Variants in FAM120A observed in about 807,000 individuals in gnomAD.
FAM120A encodes the protein constitutive coactivator of PPAR-gamma-like protein 1.
A neutral mutation model predicts 109.7 loss-of-function variants in FAM120A; 15 were observed. The observed-to-expected ratio is 0.14, with a 90% confidence interval of 0.09 to 0.21. FAM120A has a LOEUF of 0.21. FAM120A is among the 10% of genes least tolerant of loss of function. The pLI is 1.00. For missense variants in FAM120A, 899 were observed against 1,439.3 expected, an observed-to-expected ratio of 0.62 and a Z score of 6.07; for synonymous variants, 493 against 572.8, an observed-to-expected ratio of 0.86 and a Z score of 1.99.
At chr9:93,507,943 T>G (rs1480064287) in intron 5 of FAM120A, among the ~76,000 whole-genome samples, 7 of 152,118 alleles carry the variant, frequency 4.6e-5, no homozygotes, top group Admixed American at 4.6e-4. Context: ...GGGGTGGGGC[T>G]TTGAAATGCA....
intron 17 of FAM120A, among the ~76,000 whole-genome samples, chr9:93,562,727 C>T (rs1276587933): frequency 6.7e-6 from 1 of 148,774 alleles, no homozygotes; most frequent in African/African-American, 2.5e-5. Flanking sequence ...TGCCGTGGCA[C>T]AATCTCCGCT....
chr9:93,487,977 A>G (rs965762622), intron 3 of FAM120A, among the ~76,000 whole-genome samples: 3 of 152,158 alleles, frequency 2.0e-5, no homozygotes, highest in African/African-American at 7.2e-5. Flanking sequence ...TTCTCTTAGC[A>G]GGTTCTTTAT....
chr9:93,465,631 A>G (rs184653585), intron 1 of FAM120A, among the ~76,000 whole-genome samples: 1 of 152,368 alleles, frequency 6.6e-6, no homozygotes, highest in African/African-American at 2.4e-5. Flanking sequence ...TTACAAAGAT[A>G]GTACAGACTT....
At position 93,498,149 on chromosome 9, in the gene FAM120A, C is replaced by A. The variant is rs919610058; in HGVS notation, c.933+550C>A. 6.6e-6 allele frequency among the ~76,000 whole-genome samples: 1 copy of A among 152,184 alleles called. No homozygotes were observed. Among genetic ancestry groups the A allele is most frequent in the African/African-American group, 2.4e-5 (1 of 41,460 alleles). Reference sequence around the variant, plus strand: ...GTGGCTCATGCCTGTAATCCCAGTACTCTGGGAGGCCGAGGCGGGCGGATC... The same window carrying A: ...GTGGCTCATGCCTGTAATCCCAGTAATCTGGGAGGCCGAGGCGGGCGGATC... On this transcript the variant is annotated intron_variant, in intron 4 of 17. Transcript: ENST00000277165. The surrounding 1 kb of genome is among the most constrained non-coding windows in gnomAD (Gnocchi z 4.4).
chr9:93,483,494 C>T (rs1455477745), intron 3 of FAM120A, among the ~76,000 whole-genome samples: 1 of 151,900 alleles, frequency 6.6e-6, no homozygotes, highest in Non-Finnish European at 1.5e-5. Context: ...ATTTCTGTTG[C>T]ATTTTTACTG....
intron 2 of FAM120A, among the ~76,000 whole-genome samples, chr9:93,473,322 T>C (rs1415952629): frequency 6.6e-6 from 1 of 152,096 alleles, no homozygotes; most frequent in East Asian, 1.9e-4. Flanking sequence ...TTTTTTGTTG[T>C]TGAAACAGGT....
intron 5 of FAM120A, among the ~76,000 whole-genome samples, chr9:93,503,045 T>G (rs1009354534): frequency 6.6e-6 from 1 of 152,192 alleles, no homozygotes; most frequent in Non-Finnish European, 1.5e-5. Context: ...GAAAAGTAAA[T>G]GGGCTCCTAC....
At chr9:93,453,002 G>A in intron 1 of FAM120A, 3 of 1,255,424 alleles carry the variant, frequency 2.4e-6, no homozygotes, top group Non-Finnish European at 3.0e-6. Context: ...AGGGTGTTTA[G>A]AGAATCTTTC....
intron 1 of FAM120A, among the ~76,000 whole-genome samples, chr9:93,465,807 G>A (rs1161206887): frequency 6.6e-6 from 1 of 152,120 alleles, no homozygotes; most frequent in African/African-American, 2.4e-5. Flanking sequence ...CCGGGACCCT[G>A]GTCAGGACCT....
Position 93,498,710 on chromosome 9 carries a change from G to T in FAM120A, c.934-80G>T, listed in dbSNP as rs1859678579. ...TGAAAAGCTGTAGAATATTATACAT[G>T]TGCTGAATTATAAAAAACATTGTGA... On this transcript the variant is annotated intron_variant, in intron 4 of 17. Transcript: ENST00000277165. The surrounding 1 kb of genome is among the most constrained non-coding windows in gnomAD (Gnocchi z 4.4). 1.2e-6 allele frequency: 1 copy of T among 839,904 alleles called. No individual in the cohort carries two copies. The highest frequency in any genetic ancestry group is 2.1e-6 in the Non-Finnish European group (1 of 484,020). The allele number at this position is 839,904 out of a possible 1,614,324, so 52.0% of individuals were successfully genotyped here. A position where few individuals can be genotyped will look rare whatever the true frequency, so the allele number is the denominator to read the frequency against.
chr9:93,511,415 C>T (rs1860315203), intron 5 of FAM120A, among the ~76,000 whole-genome samples: 1 of 152,206 alleles, frequency 6.6e-6, no homozygotes, highest in Non-Finnish European at 1.5e-5. Context: ...GACATTGCAC[C>T]TGGTCTCAGT....
rs1248681638 is a variant in FAM120A, at chr9:93,451,898, C to G, written c.-18C>G. 7.9e-7 allele frequency: 1 copy of G among 1,260,842 alleles called. No individual in the cohort carries two copies. The highest frequency in any genetic ancestry group is 9.9e-7 in the Non-Finnish European group (1 of 1,007,804). The allele number at this position is 1,260,842 out of a possible 1,614,324, so 78.1% of individuals were successfully genotyped here. On this transcript the variant is annotated 5_prime_UTR_variant, in exon 1 of 18. Transcript: ENST00000277165. Reference sequence around the variant, plus strand: ...GCCGCCCCCCGCCCGCACCCGCGCCCGCGCCCCCGCCGCCGCCATGGGCGT... The same window carrying G: ...GCCGCCCCCCGCCCGCACCCGCGCCGGCGCCCCCGCCGCCGCCATGGGCGT...
chr9:93,488,932 T>C (rs933236870), intron 3 of FAM120A, among the ~76,000 whole-genome samples: 1 of 151,766 alleles, frequency 6.6e-6, no homozygotes. Flanking sequence ...TCAGGTCTGA[T>C]CTCATCATTC....
intron 16 of FAM120A, 106 bp from the exon 17 acceptor site, chr9:93,562,102 C>A: frequency 1.0e-6 from 1 of 967,630 alleles, no homozygotes; most frequent in Non-Finnish European, 1.6e-6. Flanking sequence ...TAATTCAGTG[C>A]TTCATAAAAC....
intron 3 of FAM120A, among the ~76,000 whole-genome samples, chr9:93,490,309 C>T (rs1249887131): frequency 3.3e-5 from 5 of 152,206 alleles, no homozygotes; most frequent in Non-Finnish European, 5.9e-5. Context: ...GGAGCAGTGG[C>T]ACCAACAGTC....
In FAM120A at chr9:93,543,393, G is replaced by C. The variant is rs764281849; in HGVS notation, c.2081G>C (p.Cys694Ser). The C allele has an allele frequency of 3.1e-6, 5 of 1,614,072 alleles. No homozygotes were observed. The highest frequency in any genetic ancestry group is 4.2e-6 in the Non-Finnish European group (5 of 1,180,038). The change falls in exon 11 of 18, where the codon TGC (cysteine) becomes TCC (serine). Residue 694 changes from cysteine to serine, a missense_variant. Physicochemically the swap from Cys to Ser is moderately radical, Grantham distance 112. Transcript: ENST00000277165. The part of the protein sequence containing the change: ...KNRRMRAFLA[C>S]MRSDTPAMLN... ...CGCAGGATGAGGGCCTTCCTGGCCT[G>C]CATGAGGTCGGACACCCCAGCCATG...
At chr9:93,514,675 CAT>C (rs1216012062) in intron 5 of FAM120A, among the ~76,000 whole-genome samples, 2 of 152,226 alleles carry the variant, frequency 1.3e-5, no homozygotes, top group Non-Finnish European at 2.9e-5. Flanking sequence ...CCTAGAGGTC[CAT>C]GTCCCATGTC....
At chr9:93,467,295 A>G (rs1217842580) in intron 1 of FAM120A, among the ~76,000 whole-genome samples, 1 of 117,164 alleles carries the variant, frequency 8.5e-6, no homozygotes. Flanking sequence ...CCACACTTCC[A>G]TTATTCACCC....
chr9:93,532,196 C>A lies in FAM120A; in HGVS notation c.1776C>A (p.Asn592Lys), dbSNP rs78160847. The change falls in exon 10 of 18, where the codon AAC becomes AAA. Residue 592 changes from asparagine (N) to lysine (K), a missense_variant. Asn to Lys is a moderately conservative substitution (Grantham distance 94, BLOSUM62 0). Around this residue, in one of 11 missense-constraint regions of FAM120A, gnomAD observed 133 missense variants for 276.6 expected, o/e 0.48. Transcript: ENST00000277165. The surrounding 1 kb of genome is among the most constrained non-coding windows in gnomAD (Gnocchi z 4.3). ...KIAVSIEDEA[N>K]KDLPPAALLY... ...CTGTTTCTATTGAAGATGAAGCCAA[C>A]AAGGACCTGCCTCCGGCCGCTCTGC... The A allele has an allele frequency of 1.2e-6, 2 of 1,614,206 alleles. No individual in the cohort carries two copies. The highest frequency in any genetic ancestry group is 1.7e-6 in the Non-Finnish European group (2 of 1,180,018).
Sources: gnomAD v4.1 joint callset for allele counts (sites outside exome capture counted in the v4.1 genomes callset) on GRCh38, gnomAD v4.1.1 for gene constraint, gnomAD v4.1.1 regional missense constraint, Gnocchi (gnomAD v3.1) non-coding constraint, MANE v1.5 for transcripts, NCBI Gene and HGNC (gene_info 2026-07-23, HGNC 2026-07-21) for gene names.